The following ACSM2B variants were observed in gnomAD, a reference collection of about 807,000 sequenced individuals.
ACSM2B encodes acyl-coenzyme A synthetase ACSM2B, mitochondrial.
ACSM2B carries 58 observed loss-of-function variants against 78.6 expected under a neutral mutation model. That is an observed-to-expected ratio of 0.74 (90% CI 0.60 to 0.92). The LOEUF is 0.92. Ranked by LOEUF, ACSM2B falls within the 40% of genes least tolerant of loss-of-function variation. ACSM2B has a pLI of 0.00. For synonymous variants in ACSM2B, 257 were observed against 256.8 expected (o/e 1.00, Z -0.01); for missense variants, 688 against 711.2 (o/e 0.97, Z 0.37).
chr16:20,572,265 G>T (rs1039473241), intron 1 of ACSM2B, among the ~76,000 whole-genome samples: 2 of 146,798 alleles, frequency 1.4e-5, no homozygotes, highest in African/African-American at 5.1e-5. Context: ...TTGTAGTGCT[G>T]GCTTTCTAGT....
chr16:20,537,249 C>T lies in ACSM2B; in HGVS notation c.*9G>A, dbSNP rs748528869. On this transcript the variant is annotated 3_prime_UTR_variant, in exon 14 of 14. Coordinates refer to ENST00000329697, the MANE Select transcript of ACSM2B (RefSeq NM_001105069.2). ...AGAGGGGAATCCAAATGAATGTCTCCTAGACGCCTCACTGCGCACGGGCTT... is the reference window on the plus strand; with the variant it reads ...AGAGGGGAATCCAAATGAATGTCTCTTAGACGCCTCACTGCGCACGGGCTT... 89 of 1,613,598 alleles carry T rather than the reference C, an allele frequency of 5.5e-5. No individual in the cohort carries two copies. Among genetic ancestry groups the T allele is most frequent in the Middle Eastern group, 1.7e-4 (1 of 6,060 alleles).
chr16:20,548,657 T>C (rs1334243703), intron 6 of ACSM2B, among the ~76,000 whole-genome samples, 184 bp from the exon 7 acceptor site: 1 of 152,190 alleles, frequency 6.6e-6, no homozygotes, highest in Non-Finnish European at 1.5e-5. Context: ...AAGGCACAAA[T>C]AACAGGGAAA....
At chr16:20,558,881 G>A (rs1177069238) in intron 3 of ACSM2B, among the ~76,000 whole-genome samples, 1 of 152,170 alleles carries the variant, frequency 6.6e-6, no homozygotes. Flanking sequence ...GCAGGATTTG[G>A]CCTGCAGGTC....
intron 12 of ACSM2B, chr16:20,541,644 C>CTTCACTT (rs966165732): frequency 1.3e-5 from 2 of 149,094 alleles, no homozygotes; most frequent in Admixed American, 1.3e-4. Flanking sequence ...GTTCCAAGCA[C>CTTCACTT]TTCACTTTCT....
intron 6 of ACSM2B, 126 bp from the exon 7 acceptor site, chr16:20,548,599 C>G: frequency 1.3e-6 from 2 of 1,563,834 alleles, no homozygotes; most frequent in Non-Finnish European, 1.7e-6. Context: ...AGCTTGTTTA[C>G]TATGTCTGAT....
At chr16:20,561,807 G>C (rs1422225336) in intron 2 of ACSM2B, among the ~76,000 whole-genome samples, 3 of 151,180 alleles carry the variant, frequency 2.0e-5, no homozygotes, top group African/African-American at 7.3e-5. Flanking sequence ...TTGGTGTGCT[G>C]CACCGCTTAA....
chr16:20,564,577 A>G, intron 2 of ACSM2B, 92 bp downstream of exon 2: 3 of 1,482,928 alleles, frequency 2.0e-6, no homozygotes, highest in Non-Finnish European at 1.8e-6. Flanking sequence ...CTTACATGTA[A>G]TAAGTACTTA....
intron 1 of ACSM2B, among the ~76,000 whole-genome samples, chr16:20,570,351 G>T (rs2016059021): frequency 6.6e-6 from 1 of 151,824 alleles, no homozygotes; most frequent in African/African-American, 2.4e-5. Flanking sequence ...CTGTTTATGT[G>T]GTGTATCACA....
intron 1 of ACSM2B, among the ~76,000 whole-genome samples, chr16:20,570,893 T>A (rs2016074288): frequency 6.6e-6 from 1 of 151,930 alleles, no homozygotes; most frequent in South Asian, 2.1e-4. Flanking sequence ...TGATCTTTTG[T>A]ATTTCTGTGG....
rs956541198 is a variant in ACSM2B at position 20,542,737 on chromosome 16, A to G, written c.1509+177T>C. The G allele has an allele frequency of 2.5e-3, 1,893 of 747,798 alleles. 25 individuals are homozygous for G. The African/African-American group carries it at 0.027, about 11-fold the overall frequency. The allele number at this position is 747,798 out of a possible 1,614,324, so 46.3% of individuals were successfully genotyped here. On this transcript the variant is annotated intron_variant, in intron 12 of 13. Transcript: ENST00000329697. ...ATAACAATCCCTCATCTTACAGATG[A>G]AGAAACTGAGAAACAGAGAGGCCAA...
At chr16:20,549,004 G>A (rs571385960) in intron 6 of ACSM2B, among the ~76,000 whole-genome samples, 1 of 152,298 alleles carries the variant, frequency 6.6e-6, no homozygotes, top group African/African-American at 2.4e-5. Context: ...ACCTAGTACT[G>A]AATACTTGCC....
At chr16:20,568,756 C>G (rs531223751) in intron 1 of ACSM2B, among the ~76,000 whole-genome samples, 1 of 151,872 alleles carries the variant, frequency 6.6e-6, no homozygotes, top group South Asian at 2.1e-4. Flanking sequence ...TTATAATGAC[C>G]ATTCTTGCAA....
intron 2 of ACSM2B, among the ~76,000 whole-genome samples, chr16:20,563,790 A>C (rs1478920500): frequency 3.3e-5 from 5 of 152,072 alleles, no homozygotes. Flanking sequence ...TTTGAGCACC[A>C]ATGTATTAAG....
intron 1 of ACSM2B, among the ~76,000 whole-genome samples, chr16:20,567,209 T>C (rs1379219697): frequency 7.6e-6 from 1 of 132,096 alleles, no homozygotes; most frequent in East Asian, 2.1e-4. Context: ...TTATATTATA[T>C]ATTATACTAT....
chr16:20,571,629 CTT>C (rs2016096312), intron 1 of ACSM2B, among the ~76,000 whole-genome samples: 1 of 147,562 alleles, frequency 6.8e-6, no homozygotes, highest in South Asian at 2.2e-4. Flanking sequence ...TCTTTGTTGA[CTT>C]TATGTCTTGA....
intron 1 of ACSM2B, chr16:20,575,867 A>T (rs1442870276): frequency 7.3e-5 from 11 of 151,392 alleles, no homozygotes; most frequent in Admixed American, 7.3e-4. Context: ...TTGCCTTTGT[A>T]CCTGCTGGTC....
At chr16:20,540,576 C>A in intron 13 of ACSM2B, 78 bp downstream of exon 13, 2 of 1,579,922 alleles carry the variant, frequency 1.3e-6, no homozygotes, top group Admixed American at 1.7e-5. Context: ...AGGCTGTCCT[C>A]CTCCTGAAGA....
Position 20,545,270 on chromosome 16 carries a change from A to G in ACSM2B, c.1180-12T>C, listed in dbSNP as rs751588326. The G allele has an allele frequency of 3.7e-6, 6 of 1,611,506 alleles. No individual in the cohort carries two copies. In the Admixed American group the frequency reaches 6.7e-5, roughly 18 times the overall value. On this transcript the variant is annotated splice_polypyrimidine_tract_variant and intron_variant, in intron 9 of 13. Transcript: ENST00000329697. ...TTATCATCTATAACCTGGAGAAAGA[A>G]GCATATTGGAAGAATGACGCACACA...
intron 6 of ACSM2B, among the ~76,000 whole-genome samples, 169 bp from the exon 7 acceptor site, chr16:20,548,642 C>A (rs983313696): frequency 1.3e-5 from 2 of 152,154 alleles, no homozygotes; most frequent in Non-Finnish European, 2.9e-5. Flanking sequence ...CTCTCATGCA[C>A]CCTGAAGGCA....
Sources: allele counts gnomAD v4.1 joint callset (sites outside exome capture counted in the v4.1 genomes callset), GRCh38; gene constraint gnomAD v4.1.1; transcripts MANE v1.5; gene names NCBI Gene and HGNC (gene_info 2026-07-23, HGNC 2026-07-21).